The following COA1 variants were observed in gnomAD, a reference collection of about 807,000 sequenced individuals.
COA1 encodes the protein cytochrome c oxidase assembly factor 1, also known as cytochrome c oxidase assembly factor 1 homolog.
COA1 carries 13 observed loss-of-function variants against 16.0 expected under a neutral mutation model. The ratio of observed to expected loss-of-function variants is 0.81; its 90% CI spans 0.53 to 1.29. The LOEUF (loss-of-function observed/expected upper bound fraction) is 1.29. Among genes scored for constraint, COA1 ranks in the 50% most tolerant of loss-of-function variants. The probability of loss-of-function intolerance (pLI) is 0.00; values close to 1 mark genes in which losing one functional copy is unlikely to be tolerated. For missense variants in COA1, 179 were observed against 177.0 expected, an observed-to-expected ratio of 1.01 and a Z score of -0.06; for synonymous variants, 65 against 65.7, an observed-to-expected ratio of 0.99 and a Z score of 0.05.
chr7:43,643,950 T>G (rs1360798573), intron 4 of COA1, among the ~76,000 whole-genome samples: 1 of 152,188 alleles, frequency 6.6e-6, no homozygotes, highest in Non-Finnish European at 1.5e-5. Context: ...TCACTCATCC[T>G]CCAAATACTT....
downstream of COA1, among the ~76,000 whole-genome samples, chr7:43,637,854 C>A (rs2086161894): frequency 6.6e-6 from 1 of 152,212 alleles, no homozygotes; most frequent in Non-Finnish European, 1.5e-5. Flanking sequence ...AGATGGCCAA[C>A]CTAAGCCCTG....
intron 1 of COA1, among the ~76,000 whole-genome samples, chr7:43,724,922 T>C (rs1337694243): frequency 1.3e-5 from 2 of 152,206 alleles, no homozygotes; most frequent in African/African-American, 4.8e-5. Flanking sequence ...ATTTATCATT[T>C]AATGGGTGCA....
At chr7:43,698,862 A>AT (rs1246626424) in intron 1 of COA1, among the ~76,000 whole-genome samples, 1 of 152,136 alleles carries the variant, frequency 6.6e-6, no homozygotes, top group African/African-American at 2.4e-5. Context: ...TCAAGCACAC[A>AT]TTTTTCCACC....
chr7:43,676,787 A>G (rs907796843), intron 1 of COA1, among the ~76,000 whole-genome samples: 1 of 152,192 alleles, frequency 6.6e-6, no homozygotes, highest in African/African-American at 2.4e-5. Flanking sequence ...ATGTACAATT[A>G]ATATGTGTCA....
intron 1 of COA1, among the ~76,000 whole-genome samples, chr7:43,654,327 G>A (rs1473042471): frequency 6.6e-6 from 1 of 152,158 alleles, no homozygotes; most frequent in Non-Finnish European, 1.5e-5. Context: ...AGGAGAGGCA[G>A]GATTGGCAGC....
chr7:43,714,849 T>C (rs888860523), intron 1 of COA1, among the ~76,000 whole-genome samples: 5 of 150,576 alleles, frequency 3.3e-5, no homozygotes, highest in Non-Finnish European at 4.4e-5. Flanking sequence ...CTACTAAAAC[T>C]ACAAAAAATT....
At chr7:43,644,719 TAGATAGA>T (rs2088331747) in intron 4 of COA1, among the ~76,000 whole-genome samples, 1 of 20,820 alleles carries the variant, frequency 4.8e-5, no homozygotes, top group African/African-American at 1.5e-4. Flanking sequence ...ATTAGATAGA[TAGATAGA>T]TAGATAGATA....
intron 6 of COA1, chr7:43,624,999 C>T: frequency 1.5e-6 from 1 of 652,838 alleles, no homozygotes; most frequent in Non-Finnish European, 2.4e-6. Flanking sequence ...TAGGTGGAAG[C>T]CAGATTTTAA....
At chr7:43,644,710 T>TTAGATGA (rs1194512015) in intron 4 of COA1, among the ~76,000 whole-genome samples, 134 of 56,648 alleles carry the variant, frequency 2.4e-3, no homozygotes, top group African/African-American at 8.3e-3. Context: ...GATAGATAGA[T>TTAGATGA]TAGATAGATA....
chr7:43,696,769 G>C (rs2094541648), intron 1 of COA1, among the ~76,000 whole-genome samples: 1 of 152,116 alleles, frequency 6.6e-6, no homozygotes, highest in African/African-American at 2.4e-5. Context: ...CAGAAAAAGA[G>C]AATCAGGGAA....
At chr7:43,629,894 A>C (rs2084996597) in intron 6 of COA1, among the ~76,000 whole-genome samples, 1 of 152,218 alleles carries the variant, frequency 6.6e-6, no homozygotes, top group Non-Finnish European at 1.5e-5. Context: ...TTTAACGTCC[A>C]AAGTAGTTTT....
chr7:43,641,395 T>C lies in COA1; in HGVS notation c.265-746A>G, dbSNP rs536371196. The stretch of plus-strand genomic sequence containing the variant: ...ATATATGTGCTTATGTGTATGATGT[T>C]TGAAAATTACTTTGTAATCCAACAA... On this transcript the variant is annotated intron_variant, in intron 4 of 5. Transcript: ENST00000223336. 12 of 151,766 alleles carry C rather than the reference T, an allele frequency of 7.9e-5. No homozygotes were observed. The South Asian group carries it at 2.5e-3, about 32-fold the overall frequency. The allele number at this position is 151,766 out of a possible 1,614,324, so 9.4% of individuals were successfully genotyped here.
intron 1 of COA1, among the ~76,000 whole-genome samples, chr7:43,725,913 A>G (rs1351380589): frequency 6.6e-6 from 1 of 151,120 alleles, no homozygotes; most frequent in Non-Finnish European, 1.5e-5. Context: ...CTGCCTTTTA[A>G]CCAACAAAAT....
chr7:43,634,928 T>C (rs1348461766), downstream of COA1, among the ~76,000 whole-genome samples: 1 of 152,190 alleles, frequency 6.6e-6, no homozygotes, highest in African/African-American at 2.4e-5. Flanking sequence ...GTGTTATTCC[T>C]TGGGTACTGA....
At chr7:43,709,688 TA>T (rs1176876133) in intron 1 of COA1, among the ~76,000 whole-genome samples, 4 of 152,222 alleles carry the variant, frequency 2.6e-5, no homozygotes, top group African/African-American at 9.6e-5. Flanking sequence ...AATCCAGTTT[TA>T]TTTTTTTTAA....
chr7:43,669,025 C>T (rs1384632873), intron 1 of COA1, among the ~76,000 whole-genome samples: 1 of 152,174 alleles, frequency 6.6e-6, no homozygotes, highest in African/African-American at 2.4e-5. Flanking sequence ...AGCAATCAAA[C>T]TCCAAATAGT....
At chr7:43,695,911 T>C (rs986509938) in intron 1 of COA1, among the ~76,000 whole-genome samples, 1 of 152,198 alleles carries the variant, frequency 6.6e-6, no homozygotes, top group Non-Finnish European at 1.5e-5. Context: ...GAAAGGAAAC[T>C]TGTGCAAGAA....
At chr7:43,716,708 T>C (rs377331372) in intron 1 of COA1, among the ~76,000 whole-genome samples, 31 of 152,166 alleles carry the variant, frequency 2.0e-4, no homozygotes, top group African/African-American at 6.7e-4. Context: ...ACCAAGACCA[T>C]GGGGAAAATG....
chr7:43,642,728 C>A (rs1355890540), intron 4 of COA1, among the ~76,000 whole-genome samples: 1 of 152,196 alleles, frequency 6.6e-6, no homozygotes, highest in African/African-American at 2.4e-5. Context: ...ACCAGCCAGA[C>A]CTTGCCAAAG....
Sources: allele counts gnomAD v4.1 joint callset (sites outside exome capture counted in the v4.1 genomes callset), GRCh38; gene constraint gnomAD v4.1.1; transcripts MANE v1.5; gene names NCBI Gene and HGNC (gene_info 2026-07-23, HGNC 2026-07-21).